Variants in KIRREL1 observed in about 807,000 individuals in gnomAD.
The protein encoded by KIRREL1 is kirre like nephrin family adhesion molecule 1.
KIRREL1 carries 25 observed loss-of-function variants against 83.3 expected under a neutral mutation model. The observed-to-expected ratio is 0.30, with a 90% CI of 0.22 to 0.42. KIRREL1 has a LOEUF of 0.42. KIRREL1 is among the 10% of genes least tolerant of loss of function. The pLI, the probability that KIRREL1 is intolerant of heterozygous loss-of-function variation, is 1.00. For synonymous variants in KIRREL1, 388 were observed against 410.4 expected, an observed-to-expected ratio of 0.95 and a Z score of 0.66; for missense variants, 812 against 1,032.3, an observed-to-expected ratio of 0.79 and a Z score of 2.92.
chr1:158,023,028 T>C (rs7519243), intron 1 of KIRREL1, among the ~76,000 whole-genome samples: 139,904 of 152,302 alleles, frequency 0.92, 64,554 homozygotes, highest in East Asian at 1. Flanking sequence ...GGCCCCTGTT[T>C]TCTCCTCTCC....
chr1:158,010,693 A>G (rs1408146893), intron 1 of KIRREL1, among the ~76,000 whole-genome samples: 1 of 152,144 alleles, frequency 6.6e-6, no homozygotes, highest in African/African-American at 2.4e-5. Context: ...AACTTTTGCC[A>G]GCAAGATCAA....
intron 3 of KIRREL1, among the ~76,000 whole-genome samples, chr1:158,081,916 T>A (rs1292102315): frequency 6.6e-6 from 1 of 152,178 alleles, no homozygotes; most frequent in Admixed American, 6.5e-5. Flanking sequence ...CACCTGGGCA[T>A]GTTGTCTGCT....
chr1:158,069,297 C>T lies in KIRREL1; in HGVS notation c.53-6816C>T, dbSNP rs74120547. 4.0e-3 allele frequency among the ~76,000 whole-genome samples: 511 copies of T among 127,620 alleles called. 5 individuals carry two copies. The highest frequency in any genetic ancestry group is 0.014 in the African/African-American group (464 of 33,744). 83.7% of individuals were successfully genotyped at this position (127,620 alleles called of 152,430 possible). The stretch of plus-strand genomic sequence containing the variant: ...ATGTGTCCCTATAAGAAGTGTATGA[C>T]GTACTTGTGTGTGTGTGTGTGTGTG... On this transcript the variant is annotated intron_variant, in intron 1 of 14. Transcript: ENST00000359209.
At chr1:158,038,483 C>G (rs1010134632) in intron 1 of KIRREL1, among the ~76,000 whole-genome samples, 1 of 128,250 alleles carries the variant, frequency 7.8e-6, no homozygotes, top group Non-Finnish European at 1.6e-5. Flanking sequence ...GTGGCTCTTC[C>G]TCTTTTTTTT....
At chr1:158,030,452 T>C (rs779390359) in intron 1 of KIRREL1, among the ~76,000 whole-genome samples, 12 of 152,250 alleles carry the variant, frequency 7.9e-5, no homozygotes, top group Non-Finnish European at 1.6e-4. Context: ...AGCAGTGGAG[T>C]GTGCTCAGTG....
chr1:158,068,983 G>C (rs1253594023), intron 1 of KIRREL1, among the ~76,000 whole-genome samples: 12 of 152,136 alleles, frequency 7.9e-5, no homozygotes, highest in African/African-American at 2.4e-5. Flanking sequence ...CTGGCCCAGG[G>C]GGTTCATTAC....
At position 158,076,262 on chromosome 1, in the gene KIRREL1, G is replaced by C. The variant is rs769403326; in HGVS notation, c.202G>C (p.Ala68Pro). The C allele has an allele frequency of 6.2e-7, 1 of 1,613,590 alleles. No individual in the cohort carries two copies. Among genetic ancestry groups the C allele is most frequent in the Non-Finnish European group, 8.5e-7 (1 of 1,179,682 alleles). ...LALGMGQGLK[A>P]WPRYRVVGSA... ...CCTGGGCATGGGCCAGGGCCTCAAA[G>C]GTGAGTGCCTGGCTACCCAACGTCC... The change falls in exon 2 of 15, where the codon GCC becomes CCC. Residue 68 changes from alanine (A) to proline (P), a missense_variant and splice_region_variant. By Grantham distance (27) the Ala-to-Pro change is conservative. Transcript: ENST00000359209.
At chr1:158,047,885 C>T (rs1660816685) in intron 1 of KIRREL1, among the ~76,000 whole-genome samples, 1 of 152,170 alleles carries the variant, frequency 6.6e-6, no homozygotes, top group African/African-American at 2.4e-5. Context: ...CATTTCCTAA[C>T]CTCATGCCCC....
chr1:158,075,413 G>A (rs1259951525), intron 1 of KIRREL1, among the ~76,000 whole-genome samples: 1 of 152,168 alleles, frequency 6.6e-6, no homozygotes, highest in African/African-American at 2.4e-5. Context: ...ACACACTTAG[G>A]CCCCCCTGCA....
At chr1:158,016,990 G>T (rs1032588400) in intron 1 of KIRREL1, among the ~76,000 whole-genome samples, 3 of 152,158 alleles carry the variant, frequency 2.0e-5, no homozygotes, top group Non-Finnish European at 2.9e-5. Flanking sequence ...TTTGGTCCAA[G>T]GGTAAAAAGA....
chr1:158,094,826 C>T lies in KIRREL1; in HGVS notation c.1980C>T (p.Asp660=). The T allele has an allele frequency of 6.2e-7, 1 of 1,614,036 alleles. No individual in the cohort carries two copies. The highest frequency in any genetic ancestry group is 1.1e-5 in the South Asian group (1 of 91,080). The part of the protein sequence containing the change: ...LNTYSRGPAS[D]YGPEPTPPGP... ...CCTATAGCCGGGGCCCTGCCTCTGACTATGGCCCTGAGCCCACACCCCCTG... is the reference window on the plus strand; with the variant it reads ...CCTATAGCCGGGGCCCTGCCTCTGATTATGGCCCTGAGCCCACACCCCCTG... Residue 660 remains aspartate, a synonymous_variant, in exon 15 of 15, where the codon GAC becomes GAT. Coordinates refer to ENST00000359209, the MANE Select transcript of KIRREL1 (RefSeq NM_018240.7). The surrounding 1 kb of genome is among the most constrained non-coding windows in gnomAD (Gnocchi z 4.6).
At chr1:158,093,810 G>C in intron 13 of KIRREL1, 48 bp downstream of exon 13, 1 of 1,605,492 alleles carries the variant, frequency 6.2e-7, no homozygotes, top group Non-Finnish European at 8.5e-7. Flanking sequence ...CACCCTCTGA[G>C]GACCAGCTCC....
chr1:157,993,876 A>C (rs1659115589), intron 1 of KIRREL1, 148 bp downstream of exon 1: 1 of 480,408 alleles, frequency 2.1e-6, no homozygotes, highest in Admixed American at 4.4e-5. Context: ...GTCCGGGCGC[A>C]GAGCCCTGGG....
At chr1:158,078,713 C>T (rs543303695) in intron 3 of KIRREL1, among the ~76,000 whole-genome samples, 33 of 152,096 alleles carry the variant, frequency 2.2e-4, no homozygotes, top group African/African-American at 7.5e-4. Flanking sequence ...AAGGAATGGG[C>T]CTTGAGGCTG....
chr1:158,016,922 G>A (rs904843358), intron 1 of KIRREL1, among the ~76,000 whole-genome samples: 2 of 152,222 alleles, frequency 1.3e-5, no homozygotes, highest in Non-Finnish European at 2.9e-5. Flanking sequence ...CCCTAGCTCA[G>A]GTGAAGTTGG....
chr1:158,084,655 CA>C, intron 4 of KIRREL1, 76 bp downstream of exon 4: 1 of 1,463,500 alleles, frequency 6.8e-7, no homozygotes, highest in Admixed American at 2.1e-5. Flanking sequence ...GGGGTTTCAC[CA>C]CAGACTCAGG....
intron 1 of KIRREL1, among the ~76,000 whole-genome samples, chr1:158,043,239 A>G (rs1247335336): frequency 6.6e-6 from 1 of 152,140 alleles, no homozygotes; most frequent in African/African-American, 2.4e-5. Context: ...AGATGGGAAA[A>G]GAGAGTGGAT....
At chr1:158,087,626 G>A (rs1462019267) in intron 5 of KIRREL1, 129 bp from the exon 6 acceptor site, 8 of 637,720 alleles carry the variant, frequency 1.3e-5, no homozygotes, top group East Asian at 8.3e-5. Context: ...GTTAACTGGA[G>A]CCGATACACT....
chr1:157,995,740 C>G (rs1414418828), intron 1 of KIRREL1, among the ~76,000 whole-genome samples: 1 of 152,084 alleles, frequency 6.6e-6, no homozygotes, highest in East Asian at 1.9e-4. Flanking sequence ...GAATGCTGAG[C>G]TCCCACTTCT....
Sources: allele counts gnomAD v4.1 joint callset (sites outside exome capture counted in the v4.1 genomes callset), GRCh38; gene constraint gnomAD v4.1.1; non-coding constraint Gnocchi (gnomAD v3.1); transcripts MANE v1.5; gene names NCBI Gene and HGNC (gene_info 2026-07-23, HGNC 2026-07-21).